Variants in CFAP251 observed in about 807,000 individuals in gnomAD.
The protein encoded by CFAP251 is cilia- and flagella-associated protein 251.
In CFAP251, 93 loss-of-function variants were observed where a neutral mutation model predicts 126.7. The ratio of observed to expected loss-of-function variants is 0.73; its 90% confidence interval spans 0.62 to 0.87. The LOEUF (loss-of-function observed/expected upper bound fraction) is 0.87, where lower values mean the gene tolerates loss of function less well. Among genes scored for constraint, CFAP251 ranks in the 40% least tolerant of loss-of-function variants. CFAP251 has a pLI of 0.00. For missense variants in CFAP251, 1,287 were observed against 1,389.2 expected, an observed-to-expected ratio of 0.93 and a Z score of 1.17; for synonymous variants, 503 against 506.9, an observed-to-expected ratio of 0.99 and a Z score of 0.10.
intron 10 of CFAP251, among the ~76,000 whole-genome samples, chr12:121,956,441 T>G (rs1881730055): frequency 6.6e-6 from 1 of 152,220 alleles, no homozygotes; most frequent in African/African-American, 2.4e-5. Flanking sequence ...TTGCCAGGTA[T>G]AAGTATGTCC....
At chr12:121,924,298 T>A (rs1225341051) in intron 3 of CFAP251, among the ~76,000 whole-genome samples, 2 of 151,722 alleles carry the variant, frequency 1.3e-5, no homozygotes, top group Non-Finnish European at 2.9e-5. Flanking sequence ...TTAGTAGAGA[T>A]GGCGTCTCGC....
intron 5 of CFAP251, among the ~76,000 whole-genome samples, chr12:121,938,812 G>A (rs942602392): frequency 1.5e-4 from 22 of 150,716 alleles, no homozygotes; most frequent in African/African-American, 4.6e-4. Flanking sequence ...GTGAAACCCC[G>A]TCTCTACAAA....
chr12:121,973,522 G>A (rs1044095973), intron 17 of CFAP251, among the ~76,000 whole-genome samples: 1 of 152,174 alleles, frequency 6.6e-6, no homozygotes, highest in Non-Finnish European at 1.5e-5. Flanking sequence ...AGCTTGCACT[G>A]TTTGCCTGGA....
At chr12:121,977,547 C>A (rs1185885906) in intron 19 of CFAP251, among the ~76,000 whole-genome samples, 1 of 152,108 alleles carries the variant, frequency 6.6e-6, no homozygotes, top group African/African-American at 2.4e-5. Context: ...GTAGTCCCAG[C>A]TACTTGGGAG....
In CFAP251 at chr12:121,939,733, G is replaced by A. The variant is rs536109815; in HGVS notation, c.999-2801G>A. 7.2e-5 allele frequency among the ~76,000 whole-genome samples: 11 copies of A among 152,226 alleles called. No individual in the cohort carries two copies. The South Asian group carries it at 2.3e-3, about 32-fold the overall frequency. On this transcript the variant is annotated intron_variant, in intron 5 of 21. Transcript: ENST00000288912. Reference sequence around the variant, plus strand: ...TATTCAGAGGCTGTTTTGGTTTTAGGATTAATATTCATTTTATTAGTGATA... The same window carrying A: ...TATTCAGAGGCTGTTTTGGTTTTAGAATTAATATTCATTTTATTAGTGATA...
chr12:121,926,297 T>C (rs1880412005), intron 3 of CFAP251, among the ~76,000 whole-genome samples: 1 of 151,958 alleles, frequency 6.6e-6, no homozygotes, highest in Non-Finnish European at 1.5e-5. Context: ...TCACTTTCTT[T>C]TTCTTTCTCT....
At chr12:121,945,271 ACTCT>A (rs1284068717) in intron 7 of CFAP251, among the ~76,000 whole-genome samples, 1 of 147,060 alleles carries the variant, frequency 6.8e-6, no homozygotes, top group Non-Finnish European at 1.5e-5. Flanking sequence ...CTCTCGCTTC[ACTCT>A]CTAACAGTCT....
chr12:121,931,748 C>CATG lies in CFAP251; in HGVS notation c.752_754dup (p.Met251dup). ...CTGGCTTTGCCCTTGTCTTCCAGAC[C>CATG]ATGACCTGGTCGTTTGGATGGAACA... On this transcript the variant is annotated inframe_insertion, in exon 4 of 22. Transcript: ENST00000288912. 6.4e-7 allele frequency: 1 copy of CATG among 1,571,556 alleles called. No individual in the cohort carries two copies. Among genetic ancestry groups the CATG allele is most frequent in the Non-Finnish European group, 8.6e-7 (1 of 1,161,280 alleles).
rs1200548910 is a variant in CFAP251, at chr12:122,003,769, AC to A, written c.*7del. On this transcript the variant is annotated 3_prime_UTR_variant, in exon 22 of 22. Transcript: ENST00000288912. ...TCCGGCCAGGATGGTCAGTGAAGTT[AC>A]CAGGAATGTTTAAAGCACAAAGGAC... The A allele has an allele frequency of 6.3e-7, 1 of 1,598,648 alleles. No homozygotes were observed. The highest frequency in any genetic ancestry group is 8.5e-7 in the Non-Finnish European group (1 of 1,175,074).
At chr12:121,957,389 C>A in intron 11 of CFAP251, 121 bp downstream of exon 11, 4 of 996,754 alleles carry the variant, frequency 4.0e-6, no homozygotes, top group Non-Finnish European at 5.8e-6. Flanking sequence ...ATTGTGATAA[C>A]CACTGGATCA....
chr12:121,975,497 C>G, intron 18 of CFAP251, 45 bp from the exon 19 acceptor site: 1 of 1,602,958 alleles, frequency 6.2e-7, no homozygotes. Context: ...ATGCTTCAGA[C>G]TTAAGCCTAA....
chr12:121,954,427 A>T, intron 10 of CFAP251, 93 bp downstream of exon 10: 1 of 1,164,540 alleles, frequency 8.6e-7, no homozygotes, highest in Middle Eastern at 3.0e-4. Flanking sequence ...TTACACCTCT[A>T]ATTTCAGTTC....
Position 121,931,876 on chromosome 12 carries a change from A to G in CFAP251, c.878A>G (p.Tyr293Cys). The G allele has an allele frequency of 2.6e-6, 4 of 1,568,074 alleles. No individual in the cohort carries two copies. Among genetic ancestry groups the G allele is most frequent in the African/African-American group, 1.4e-5 (1 of 72,842 alleles). ...IIYNVFRNNQ[Y>C]HLQGHANIIS... ...TACAACGTGTTCAGGAACAATCAAT[A>G]CCACCTTCAGGTATGCAGGGATTTC... is the stretch of plus-strand genomic sequence containing the variant. Residue 293 changes from tyrosine (Y) to cysteine (C), a missense_variant, in exon 4 of 22, where the codon TAC (tyrosine) becomes TGC (cysteine). Tyr to Cys is a radical substitution (Grantham distance 194, BLOSUM62 -2). Transcript: ENST00000288912.
chr12:121,931,813 G>T lies in CFAP251; in HGVS notation c.815G>T (p.Arg272Ile). 6.2e-7 allele frequency: 1 copy of T among 1,606,022 alleles called. No individual in the cohort carries two copies. Residue 272 changes from arginine to isoleucine, a missense_variant, in exon 4 of 22, where the codon AGA (arginine) becomes ATA (isoleucine). Transcript: ENST00000288912. ...TACTATATTCGAGAGGAAAGGCAGA[G>T]AGTTCTTCTGTATGTTTGTGCTCAC... Reference protein sequence around the residue: ...PVYYIREERQRVLLYVCAHTA... With the variant: ...PVYYIREERQIVLLYVCAHTA...
Position 121,960,708 on chromosome 12 carries a change from C to T in CFAP251, c.2257C>T (p.Leu753=). The T allele has an allele frequency of 6.2e-7, 1 of 1,613,930 alleles. No homozygotes were observed. Among genetic ancestry groups the T allele is most frequent in the Non-Finnish European group, 8.5e-7 (1 of 1,179,920 alleles). Residue 753 remains leucine, a synonymous_variant, in exon 14 of 22, where the codon CTG becomes TTG. Transcript: ENST00000288912. ...TCGAAGTCTCCTGTTTGGGGTTTACCTGGACAGCAATGAGCCTAGACTGCT... is the reference window on the plus strand; with the variant it reads ...TCGAAGTCTCCTGTTTGGGGTTTACTTGGACAGCAATGAGCCTAGACTGCT... ...SIRSLLFGVY[L]DSNEPRLLSL...
chr12:121,942,502 G>C, intron 5 of CFAP251, 32 bp from the exon 6 acceptor site: 1 of 1,539,544 alleles, frequency 6.5e-7, no homozygotes, highest in African/African-American at 1.4e-5. Context: ...GGAGACCTCA[G>C]CAAGTGTCGC....
At chr12:121,940,040 T>C (rs1480139832) in intron 5 of CFAP251, among the ~76,000 whole-genome samples, 1 of 152,218 alleles carries the variant, frequency 6.6e-6, no homozygotes, top group Non-Finnish European at 1.5e-5. Context: ...ATAAATATGG[T>C]AAATCTTAAG....
Position 121,923,684 on chromosome 12 carries a change from G to C in CFAP251, c.441G>C (p.Glu147Asp). The part of the protein sequence containing the change: ...SLQLEDAETD[E>D]LLRDLSTQIE... ...AATTGGAGGATGCAGAAACAGATGA[G>C]CTTTTAAGAGACCTGAGCACACAAA... The change falls in exon 3 of 22, where the codon GAG (glutamate) becomes GAC (aspartate). Residue 147 changes from glutamate to aspartate, a missense_variant. By Grantham distance (45) the Glu-to-Asp change is conservative. Transcript: ENST00000288912. 1.9e-6 allele frequency: 3 copies of C among 1,614,182 alleles called. No homozygotes were observed. In the South Asian group the frequency reaches 3.3e-5, roughly 18 times the overall value.
intron 9 of CFAP251, 59 bp downstream of exon 9, chr12:121,951,589 G>T: frequency 1.6e-6 from 2 of 1,280,274 alleles, no homozygotes; most frequent in East Asian, 2.4e-5. Context: ...ATATTTATGT[G>T]CAAGCTTAGC....
Sources: allele counts gnomAD v4.1 joint callset (sites outside exome capture counted in the v4.1 genomes callset), GRCh38; gene constraint gnomAD v4.1.1; transcripts MANE v1.5; gene names NCBI Gene and HGNC (gene_info 2026-07-23, HGNC 2026-07-21).